The following FOXP2 variants were observed in gnomAD, a reference collection of about 807,000 sequenced individuals.
FOXP2 encodes the protein forkhead box P2.
In FOXP2, 12 loss-of-function variants were observed where a neutral mutation model predicts 115.8. The observed-to-expected ratio is 0.10, with a 90% confidence interval of 0.07 to 0.17. The LOEUF (loss-of-function observed/expected upper bound fraction) is 0.17. FOXP2 is among the 10% of genes least tolerant of loss of function. The pLI is 1.00. For synonymous variants in FOXP2, 328 were observed against 297.7 expected (o/e 1.10, Z -1.05); for missense variants, 629 against 843.5 (o/e 0.75, Z 3.15).
chr7:114,114,288 AATAT>A (rs1209477640), intron 1 of FOXP2, among the ~76,000 whole-genome samples: 1 of 150,764 alleles, frequency 6.6e-6, no homozygotes, highest in Non-Finnish European at 1.5e-5. Flanking sequence ...CATATATATA[AATAT>A]ATATATAATA....
intron 2 of FOXP2, among the ~76,000 whole-genome samples, chr7:114,429,581 G>A (rs1014497159): frequency 6.6e-6 from 1 of 151,466 alleles, no homozygotes; most frequent in Non-Finnish European, 1.5e-5. Context: ...AGAATTAATT[G>A]TTTGTGTCAC....
chr7:114,432,656 C>G (rs1794166907), intron 2 of FOXP2, among the ~76,000 whole-genome samples: 2 of 151,776 alleles, frequency 1.3e-5, no homozygotes, highest in Admixed American at 1.3e-4. Flanking sequence ...TTACATTTAT[C>G]AAGTTTAACT....
At chr7:114,487,215 A>G (rs1424974590) in intron 2 of FOXP2, among the ~76,000 whole-genome samples, 1 of 152,172 alleles carries the variant, frequency 6.6e-6, no homozygotes, top group African/African-American at 2.4e-5. Flanking sequence ...GTGCCCCAAC[A>G]GGATCAACAC....
At chr7:114,164,963 A>G (rs1320930338) in intron 1 of FOXP2, among the ~76,000 whole-genome samples, 1 of 106,674 alleles carries the variant, frequency 9.4e-6, no homozygotes, top group African/African-American at 3.4e-5. Context: ...TCTACCCCCC[A>G]AAATTATACA....
At chr7:114,253,799 A>T (rs1471486348) in intron 1 of FOXP2, among the ~76,000 whole-genome samples, 1 of 152,056 alleles carries the variant, frequency 6.6e-6, no homozygotes, top group Non-Finnish European at 1.5e-5. Flanking sequence ...TACATTTAAG[A>T]TTAATATTGT....
chr7:114,229,979 A>G (rs1170155797), intron 1 of FOXP2, among the ~76,000 whole-genome samples: 3 of 151,850 alleles, frequency 2.0e-5, no homozygotes, highest in African/African-American at 7.2e-5. Flanking sequence ...GATTAACCAA[A>G]TAGACAGACT....
At chr7:114,575,261 A>G (rs539924558) in intron 3 of FOXP2, among the ~76,000 whole-genome samples, 1 of 151,928 alleles carries the variant, frequency 6.6e-6, no homozygotes, top group East Asian at 1.9e-4. Context: ...AAATATGATA[A>G]CCCTAAAAAG....
chr7:114,115,890 T>C (rs963669883), intron 1 of FOXP2, among the ~76,000 whole-genome samples: 11 of 152,170 alleles, frequency 7.2e-5, no homozygotes, highest in African/African-American at 2.2e-4. Context: ...ATTTATTGAA[T>C]AAATGAGTGA....
intron 1 of FOXP2, among the ~76,000 whole-genome samples, chr7:114,125,395 A>G (rs1215407329): frequency 6.6e-6 from 1 of 152,144 alleles, no homozygotes; most frequent in Non-Finnish European, 1.5e-5. Context: ...ATATTATTCC[A>G]TCCCTTTAAA....
At chr7:114,232,828 A>G (rs1488205159) in intron 1 of FOXP2, among the ~76,000 whole-genome samples, 1 of 151,884 alleles carries the variant, frequency 6.6e-6, no homozygotes, top group East Asian at 1.9e-4. Context: ...AAAAAAAAAA[A>G]TTGTTCAGCC....
At chr7:114,234,120 T>C (rs995426824) in intron 1 of FOXP2, among the ~76,000 whole-genome samples, 1 of 152,224 alleles carries the variant, frequency 6.6e-6, no homozygotes, top group African/African-American at 2.4e-5. Flanking sequence ...CACTCTCTTT[T>C]CTATCTGTAT....
At chr7:114,588,972 A>C (rs1350937573) in intron 3 of FOXP2, among the ~76,000 whole-genome samples, 1 of 152,174 alleles carries the variant, frequency 6.6e-6, no homozygotes, top group Non-Finnish European at 1.5e-5. Context: ...TGCTAATTCT[A>C]TTAAGTTCTT....
upstream of FOXP2, chr7:114,086,661 C>G (rs1799426264): frequency 3.0e-6 from 1 of 332,188 alleles, no homozygotes; most frequent in Non-Finnish European, 6.0e-6. Context: ...GCACCCCACC[C>G]TGTCCCAGCC....
intron 2 of FOXP2, among the ~76,000 whole-genome samples, chr7:114,493,069 C>T (rs1448833006): frequency 6.6e-6 from 1 of 152,130 alleles, no homozygotes; most frequent in Non-Finnish European, 1.5e-5. Context: ...TCTCTAAGGA[C>T]TTGCTTTACG....
intron 2 of FOXP2, among the ~76,000 whole-genome samples, chr7:114,503,530 C>T (rs1006552494): frequency 6.6e-6 from 1 of 151,174 alleles, no homozygotes; most frequent in Non-Finnish European, 1.5e-5. Flanking sequence ...CATGCTCTAT[C>T]AACATCAAGG....
At chr7:114,247,760 C>T (rs1441409300) in intron 1 of FOXP2, among the ~76,000 whole-genome samples, 4 of 152,052 alleles carry the variant, frequency 2.6e-5, no homozygotes. Flanking sequence ...TCGCATAGTA[C>T]CCAGCACATT....
chr7:114,446,747 C>CT (rs373569304), intron 2 of FOXP2, among the ~76,000 whole-genome samples: 10,637 of 139,222 alleles, frequency 0.076, 473 homozygotes, highest in Non-Finnish European at 0.099. Context: ...TTCTTTCTTT[C>CT]TTTTTTTTTT....
intron 2 of FOXP2, among the ~76,000 whole-genome samples, chr7:114,292,007 T>A (rs1163678780): frequency 6.8e-6 from 1 of 146,490 alleles, no homozygotes; most frequent in African/African-American, 2.5e-5. Context: ...AGATAATATA[T>A]AGATATAACA....
At chr7:114,552,062 A>G (rs989439841) in intron 3 of FOXP2, among the ~76,000 whole-genome samples, 1 of 152,206 alleles carries the variant, frequency 6.6e-6, no homozygotes, top group Non-Finnish European at 1.5e-5. Context: ...CTGTTAACAC[A>G]TATTTTACAT....
Sources: gnomAD v4.1 joint callset for allele counts (sites outside exome capture counted in the v4.1 genomes callset) on GRCh38, gnomAD v4.1.1 for gene constraint, MANE v1.5 for transcripts, NCBI Gene and HGNC (gene_info 2026-07-23, HGNC 2026-07-21) for gene names.